OSTF1: variants seen among roughly 807,000 people sequenced by gnomAD.
OSTF1 encodes osteoclast stimulating factor 1, also known as osteoclast-stimulating factor 1.
Under a neutral mutation model 37.2 loss-of-function variants are expected in OSTF1, and 27 were observed. The observed-to-expected ratio is 0.73, with a 90% CI of 0.54 to 1.00. OSTF1 has a LOEUF of 1.00. OSTF1 is among the 50% of genes least tolerant of loss of function. OSTF1 has a pLI of 0.00. For missense variants in OSTF1, 232 were observed against 253.8 expected (o/e 0.91, Z 0.58); for synonymous variants, 82 against 89.2 (o/e 0.92, Z 0.46).
chr9:75,122,228 G>T (rs1825591992), intron 2 of OSTF1, among the ~76,000 whole-genome samples: 1 of 152,196 alleles, frequency 6.6e-6, no homozygotes, highest in South Asian at 2.1e-4. Context: ...ACCCTGCTCT[G>T]TCATGTAAAG....
intron 9 of OSTF1, among the ~76,000 whole-genome samples, chr9:75,145,902 T>C (rs888320867): frequency 6.6e-6 from 1 of 152,180 alleles, no homozygotes; most frequent in Non-Finnish European, 1.5e-5. Flanking sequence ...CCCTTACACT[T>C]CCTGCCCCAT....
intron 2 of OSTF1, among the ~76,000 whole-genome samples, chr9:75,120,593 C>T (rs1033668094): frequency 6.6e-6 from 1 of 152,054 alleles, no homozygotes; most frequent in Non-Finnish European, 1.5e-5. Context: ...CCTTTCTCAC[C>T]GACCTCTTCC....
At chr9:75,123,972 A>G (rs953927560) in intron 2 of OSTF1, among the ~76,000 whole-genome samples, 25 of 152,228 alleles carry the variant, frequency 1.6e-4, no homozygotes, top group African/African-American at 5.5e-4. Flanking sequence ...GAGGTGTCGA[A>G]GCGACTGGCA....
chr9:75,111,078 C>A (rs1049546998), intron 1 of OSTF1, among the ~76,000 whole-genome samples: 4 of 152,024 alleles, frequency 2.6e-5, no homozygotes, highest in African/African-American at 9.7e-5. Flanking sequence ...AGTTTTTCAC[C>A]AACAGGAAAT....
intron 5 of OSTF1, among the ~76,000 whole-genome samples, chr9:75,132,998 CACACACACACA>C (rs760727989): frequency 3.6e-5 from 4 of 110,122 alleles, no homozygotes; most frequent in Admixed American, 9.4e-5. Flanking sequence ...CACACACACA[CACACACACACA>C]CACCCCTATA....
chr9:75,141,015 T>A (rs764109797), intron 9 of OSTF1, 83 bp downstream of exon 9: 5 of 996,112 alleles, frequency 5.0e-6, no homozygotes, highest in Non-Finnish European at 7.7e-6. Flanking sequence ...AGAGATAAAC[T>A]CAGCTGAGTG....
intron 1 of OSTF1, among the ~76,000 whole-genome samples, chr9:75,098,978 C>G (rs1825138718): frequency 6.6e-6 from 1 of 152,160 alleles, no homozygotes; most frequent in South Asian, 2.1e-4. Flanking sequence ...CTCTTGTTGC[C>G]CAAGCTGGAG....
intron 1 of OSTF1, among the ~76,000 whole-genome samples, chr9:75,096,906 T>C (rs1039174848): frequency 5.3e-5 from 8 of 152,190 alleles, no homozygotes; most frequent in Non-Finnish European, 8.8e-5. Context: ...CAAACTCTTA[T>C]GCTTATGTCT....
chr9:75,121,021 G>A (rs1825572650), intron 2 of OSTF1, among the ~76,000 whole-genome samples: 1 of 152,218 alleles, frequency 6.6e-6, no homozygotes, highest in Non-Finnish European at 1.5e-5. Context: ...CACAGCGTCT[G>A]AGGAAGCAGG....
chr9:75,112,704 C>T (rs1244212427), intron 1 of OSTF1, among the ~76,000 whole-genome samples: 4 of 152,212 alleles, frequency 2.6e-5, no homozygotes, highest in African/African-American at 9.7e-5. Flanking sequence ...GTCACATCCA[C>T]ATATTTGTTT....
chr9:75,134,022 C>T (rs1164289740), intron 6 of OSTF1, among the ~76,000 whole-genome samples: 1 of 152,130 alleles, frequency 6.6e-6, no homozygotes, highest in East Asian at 1.9e-4. Flanking sequence ...AAATTTGTAA[C>T]TGTCTACTAA....
chr9:75,103,448 T>G (rs568522865), intron 1 of OSTF1, among the ~76,000 whole-genome samples: 3 of 152,358 alleles, frequency 2.0e-5, no homozygotes, highest in African/African-American at 7.2e-5. Flanking sequence ...GTTCTACCAC[T>G]CAGAGATAAC....
At chr9:75,141,619 A>G (rs535186270) in intron 9 of OSTF1, among the ~76,000 whole-genome samples, 2 of 152,316 alleles carry the variant, frequency 1.3e-5, no homozygotes, top group East Asian at 3.9e-4. Context: ...TAGCTCCATG[A>G]TTATATTTTA....
rs190497270 is a variant in OSTF1 at position 75,118,226 on chromosome 9, A to G, written c.81+676A>G. The stretch of plus-strand genomic sequence containing the variant: ...AGAAAAGAGTGCTGTCTTCAATAGC[A>G]TGTTCAGAGATGGCCTTTCTATAAA... On this transcript the variant is annotated intron_variant, in intron 2 of 9. Coordinates refer to ENST00000346234, the MANE Select transcript of OSTF1 (RefSeq NM_012383.5). Among the ~76,000 whole-genome samples the G allele has an allele frequency of 4.1e-3, 625 of 152,320 alleles. 3 individuals carry two copies. The highest frequency in any genetic ancestry group is 6.6e-3 in the Non-Finnish European group (447 of 68,024).
At chr9:75,121,166 C>A (rs1365601547) in intron 2 of OSTF1, among the ~76,000 whole-genome samples, 1 of 152,212 alleles carries the variant, frequency 6.6e-6, no homozygotes, top group Non-Finnish European at 1.5e-5. Flanking sequence ...ATAATAGTCC[C>A]ACCAGGTTTT....
intron 1 of OSTF1, among the ~76,000 whole-genome samples, chr9:75,113,412 T>A (rs1344871758): frequency 6.6e-6 from 1 of 151,786 alleles, no homozygotes; most frequent in Non-Finnish European, 1.5e-5. Context: ...TCTATGTCAG[T>A]GTCTGTGGTT....
At chr9:75,112,156 A>G (rs1825403109) in intron 1 of OSTF1, among the ~76,000 whole-genome samples, 1 of 150,656 alleles carries the variant, frequency 6.6e-6, no homozygotes, top group Admixed American at 6.6e-5. Flanking sequence ...TGCAGGGAAG[A>G]TAATATGAAA....
chr9:75,133,148 A>T (rs147991446), intron 5 of OSTF1, 146 bp from the exon 6 acceptor site: 26 of 568,780 alleles, frequency 4.6e-5, no homozygotes, highest in African/African-American at 3.7e-4. Context: ...TACCATAATA[A>T]ATGCATTAAT....
At chr9:75,098,208 A>C (rs1587437834) in intron 1 of OSTF1, among the ~76,000 whole-genome samples, 1 of 152,096 alleles carries the variant, frequency 6.6e-6, no homozygotes, top group Non-Finnish European at 1.5e-5. Context: ...TCAATGATCC[A>C]CTTCCCAACT....
Sources: gnomAD v4.1 joint callset for allele counts (sites outside exome capture counted in the v4.1 genomes callset) on GRCh38, gnomAD v4.1.1 for gene constraint, MANE v1.5 for transcripts, NCBI Gene and HGNC (gene_info 2026-07-23, HGNC 2026-07-21) for gene names.